NFASC: variants seen among roughly 807,000 people sequenced by gnomAD.
NFASC encodes the protein neurofascin, also known as neurofascin homolog.
Under a neutral mutation model 147.5 loss-of-function variants are expected in NFASC, and 43 were observed. That is an observed-to-expected ratio of 0.29 (90% confidence interval 0.23 to 0.38). The LOEUF (loss-of-function observed/expected upper bound fraction) is 0.38. NFASC is among the 10% of genes least tolerant of loss of function. The pLI is 1.00. For synonymous variants in NFASC, 622 were observed against 665.5 expected, an observed-to-expected ratio of 0.93 and a Z score of 1.01; for missense variants, 1,320 against 1,689.0, an observed-to-expected ratio of 0.78 and a Z score of 3.83.
At chr1:204,888,491 C>T (rs570968146) in intron 1 of NFASC, among the ~76,000 whole-genome samples, 9 of 152,234 alleles carry the variant, frequency 5.9e-5, no homozygotes, top group South Asian at 2.1e-4. Flanking sequence ...ACTAACTGTC[C>T]TTCTAGGGTT....
At chr1:204,970,574 A>G (rs780230952) in intron 10 of NFASC, 42 bp from the exon 11 acceptor site, 34 of 1,611,644 alleles carry the variant, frequency 2.1e-5, no homozygotes, top group South Asian at 4.4e-5. Context: ...TGCCTGTCCC[A>G]TGCCATCTAA....
chr1:204,845,835 C>T (rs1404747169), intron 1 of NFASC, among the ~76,000 whole-genome samples: 1 of 149,940 alleles, frequency 6.7e-6, no homozygotes, highest in Non-Finnish European at 1.5e-5. Flanking sequence ...CCAGAAGTTT[C>T]AGGTCACAGC....
intron 1 of NFASC, chr1:204,871,126 C>G: frequency 3.1e-6 from 4 of 1,284,626 alleles, no homozygotes; most frequent in Non-Finnish European, 4.1e-6. Context: ...CCCATTCCTC[C>G]TGCTTTGGCC....
At chr1:205,003,645 A>G (rs962269059) in intron 27 of NFASC, among the ~76,000 whole-genome samples, 5 of 152,172 alleles carry the variant, frequency 3.3e-5, no homozygotes, top group African/African-American at 1.2e-4. Flanking sequence ...CCTTGCCCCC[A>G]GGGGATATCC....
At chr1:204,837,750 C>G (rs534859239) in intron 1 of NFASC, among the ~76,000 whole-genome samples, 20 of 152,232 alleles carry the variant, frequency 1.3e-4, no homozygotes, top group African/African-American at 4.6e-4. Context: ...ATGCTTACAA[C>G]CAGCCAAGGG....
intron 1 of NFASC, among the ~76,000 whole-genome samples, chr1:204,857,919 C>CTTT (rs58996261): frequency 6.5e-5 from 8 of 122,574 alleles, no homozygotes; most frequent in Non-Finnish European, 1.3e-4. Context: ...TCTTCTTCTT[C>CTTT]TTTTTTTTTT....
Position 204,987,930 on chromosome 1 carries a change from C to G in NFASC, c.2593+390C>G, listed in dbSNP as rs931581489. Among the ~76,000 whole-genome samples the G allele has an allele frequency of 1.3e-5, 2 of 150,648 alleles. No homozygotes were observed. The highest frequency in any genetic ancestry group is 3.0e-5 in the Non-Finnish European group (2 of 67,636). ...CTCACAGGAGTCCACAGTCAGGACACCCCTTGACAAGATGTCATTTATGAT... is the reference window on the plus strand; with the variant it reads ...CTCACAGGAGTCCACAGTCAGGACAGCCCTTGACAAGATGTCATTTATGAT... On this transcript the variant is annotated intron_variant, in intron 22 of 29. Transcript: ENST00000339876. The surrounding 1 kb of genome is among the most constrained non-coding windows in gnomAD (Gnocchi z 4.4).
At chr1:204,850,443 G>A (rs2075569830) in intron 1 of NFASC, among the ~76,000 whole-genome samples, 1 of 152,180 alleles carries the variant, frequency 6.6e-6, no homozygotes, top group South Asian at 2.1e-4. Flanking sequence ...ACTGCCAACT[G>A]CAGTGGTGGT....
At chr1:204,963,556 T>C (rs2094796329) in intron 8 of NFASC, among the ~76,000 whole-genome samples, 1 of 152,218 alleles carries the variant, frequency 6.6e-6, no homozygotes, top group Non-Finnish European at 1.5e-5. Context: ...TAAACCAGTT[T>C]GTGACCATTG....
intron 2 of NFASC, among the ~76,000 whole-genome samples, chr1:204,943,633 C>A (rs922229054): frequency 6.6e-6 from 1 of 152,172 alleles, no homozygotes; most frequent in Non-Finnish European, 1.5e-5. Context: ...AACCCATGAT[C>A]CCCAGTCCTG....
rs144881054 is a variant in NFASC at position 204,882,427 on chromosome 1, T to TC, written c.-199-38198dup. Among the ~76,000 whole-genome samples, 2,314 of 152,100 alleles carry TC rather than the reference T, an allele frequency of 0.015. 143 individuals are homozygous for TC. In the East Asian group the frequency reaches 0.2, roughly 13 times the overall value. On this transcript the variant is annotated intron_variant, in intron 1 of 29. Transcript: ENST00000339876. ...TTTTCTTCCCTCTGCCTTAAGCTATTCCCCCCCTCACCTCCCAGTTCGCTC... is the reference window on the plus strand; with the variant it reads ...TTTTCTTCCCTCTGCCTTAAGCTATTCCCCCCCCTCACCTCCCAGTTCGCTC...
At chr1:204,983,890 A>G (rs2095555697) in intron 21 of NFASC, 4 of 623,124 alleles carry the variant, frequency 6.4e-6, no homozygotes, top group East Asian at 5.6e-5. Context: ...GTACTGTCTC[A>G]TGGAGGAGAT....
chr1:204,985,747 C>T (rs1040381728), intron 21 of NFASC, among the ~76,000 whole-genome samples: 9 of 152,244 alleles, frequency 5.9e-5, no homozygotes, highest in Admixed American at 2.6e-4. Flanking sequence ...GGCTAATGAG[C>T]GGGGATTAAA....
At chr1:204,934,233 C>A (rs1241795227) in intron 2 of NFASC, among the ~76,000 whole-genome samples, 1 of 151,190 alleles carries the variant, frequency 6.6e-6, no homozygotes, top group Admixed American at 6.6e-5. Flanking sequence ...CTGGGGAGAG[C>A]AGCATTTCAT....
intron 1 of NFASC, among the ~76,000 whole-genome samples, chr1:204,894,152 G>A (rs1449877546): frequency 1.3e-5 from 2 of 152,198 alleles, no homozygotes; most frequent in Non-Finnish European, 2.9e-5. Context: ...AAGATATCAG[G>A]CCTCTGCTGT....
chr1:204,891,560 A>G (rs1329848667), intron 1 of NFASC, among the ~76,000 whole-genome samples: 1 of 152,112 alleles, frequency 6.6e-6, no homozygotes, highest in Non-Finnish European at 1.5e-5. Flanking sequence ...GCCTGTATGA[A>G]GTGGGTAGCT....
At chr1:204,983,994 G>A (rs772608633) in intron 21 of NFASC, 3 of 1,482,624 alleles carry the variant, frequency 2.0e-6, no homozygotes, top group African/African-American at 1.4e-5. Flanking sequence ...AGTCCTGCCT[G>A]CATAACCAGC....
rs146225749 is a variant in NFASC at position 205,022,487 on chromosome 1, C to T, written c.*5948C>T. The T allele has an allele frequency of 2.6e-5, 4 of 152,654 alleles. No homozygotes were observed. The East Asian group carries it at 7.7e-4, about 29-fold the overall frequency. 9.5% of individuals were successfully genotyped at this position (152,654 alleles called of 1,614,324 possible). ...CCCTTCCTACATATCCACACACACA[C>T]AAATTGGTCTGATCTTTTTTCCATT... On this transcript the variant is annotated 3_prime_UTR_variant, in exon 30 of 30. Coordinates refer to ENST00000339876, the MANE Select transcript of NFASC (RefSeq NM_001005388.3).
chr1:204,988,592 A>G (rs780935842), intron 22 of NFASC, 41 bp from the exon 23 acceptor site: 1 of 1,578,252 alleles, frequency 6.3e-7, no homozygotes, highest in South Asian at 1.1e-5. Context: ...CCATCAATAA[A>G]TGTTGCTAAA....
Sources: gnomAD v4.1 joint callset for allele counts (sites outside exome capture counted in the v4.1 genomes callset) on GRCh38, gnomAD v4.1.1 for gene constraint, Gnocchi (gnomAD v3.1) non-coding constraint, MANE v1.5 for transcripts, NCBI Gene and HGNC (gene_info 2026-07-23, HGNC 2026-07-21) for gene names.